The following ABCC4 variants were observed in gnomAD, a reference collection of about 807,000 sequenced individuals.
ABCC4 encodes ATP-binding cassette sub-family C member 4.
Under a neutral mutation model 168.5 loss-of-function variants are expected in ABCC4, and 102 were observed. That is an observed-to-expected ratio of 0.61 (90% CI 0.52 to 0.71). ABCC4 has a LOEUF of 0.71. Ranked by LOEUF, ABCC4 falls within the 30% of genes least tolerant of loss-of-function variation. ABCC4 has a pLI of 0.00. For missense variants in ABCC4, 1,402 were observed against 1,605.8 expected, an observed-to-expected ratio of 0.87 and a Z score of 2.17; for synonymous variants, 617 against 590.7, an observed-to-expected ratio of 1.04 and a Z score of -0.65.
chr13:95,195,719 C>T (rs72643643), intron 8 of ABCC4, among the ~76,000 whole-genome samples: 19 of 151,788 alleles, frequency 1.3e-4, no homozygotes, highest in Non-Finnish European at 1.6e-4. Context: ...CTGCAGCCTC[C>T]GCCTCTCCGG....
intron 5 of ABCC4, 74 bp downstream of exon 5, chr13:95,210,618 T>G: frequency 7.8e-7 from 1 of 1,284,544 alleles, no homozygotes; most frequent in Non-Finnish European, 1.1e-6. Flanking sequence ...AGTGAGCCCC[T>G]GCCTCCAGAA....
At chr13:95,124,645 G>A (rs2035689747) in intron 19 of ABCC4, among the ~76,000 whole-genome samples, 1 of 139,560 alleles carries the variant, frequency 7.2e-6, no homozygotes, top group Non-Finnish European at 1.5e-5. Context: ...GAGGTGGGGG[G>A]ATCACCTGAG....
At chr13:95,120,992 T>C (rs1263353488) in intron 19 of ABCC4, among the ~76,000 whole-genome samples, 1 of 152,158 alleles carries the variant, frequency 6.6e-6, no homozygotes, top group Non-Finnish European at 1.5e-5. Context: ...TCACTCAGCT[T>C]AGACCAAAAT....
intron 4 of ABCC4, among the ~76,000 whole-genome samples, chr13:95,230,475 A>G (rs1353247275): frequency 2.6e-5 from 4 of 152,356 alleles, no homozygotes; most frequent in African/African-American, 9.6e-5. Context: ...TATACTCAAA[A>G]GTATTAAAAG....
chr13:95,177,790 T>C lies in ABCC4; in HGVS notation c.1644A>G (p.Ala548=), dbSNP rs757663181. The change falls in exon 13 of 31, where the codon GCA becomes GCG. Residue 548 remains alanine, a synonymous_variant. Transcript: ENST00000645237. ...GQKARVNLAR[A]VYQDADIYLL... is the part of the protein sequence containing the mutation. ...GATAGATGTCAGCATCTTGATACAC[T>C]GCTCTAGAAAATACAAAGAGGTATC... 7 of 1,608,090 alleles carry C rather than the reference T, an allele frequency of 4.4e-6. No individual in the cohort carries two copies. The African/African-American group carries it at 9.4e-5, about 21-fold the overall frequency.
intron 4 of ABCC4, 106 bp downstream of exon 4, chr13:95,234,504 C>T: frequency 1.1e-6 from 1 of 888,042 alleles, no homozygotes; most frequent in Non-Finnish European, 1.8e-6. Context: ...GTCACCCAGG[C>T]TGGAGTGCAG....
Position 95,115,948 on chromosome 13 carries a change from GCAGCA to G in ABCC4, c.2504_2508del (p.Leu835SerfsTer92). 6.2e-7 allele frequency: 1 copy of G among 1,613,060 alleles called. No individual in the cohort carries two copies. The highest frequency in any genetic ancestry group is 8.5e-7 in the Non-Finnish European group (1 of 1,179,674). On this transcript the variant is annotated frameshift_variant, in exon 20 of 31. Coordinates refer to ENST00000645237, the MANE Select transcript of ABCC4 (RefSeq NM_005845.5). LOFTEE classifies it high-confidence loss of function. The stretch of plus-strand genomic sequence containing the variant: ...TGGATGAAATCTAAAAACGTCAGCG[GCAGCA>G]AATCATCCAAGTGTCCAATGTCTTT...
chr13:95,200,608 C>T (rs1406225326), intron 8 of ABCC4, among the ~76,000 whole-genome samples: 5 of 152,150 alleles, frequency 3.3e-5, no homozygotes, highest in African/African-American at 1.2e-4. Flanking sequence ...GTAGTCCCAG[C>T]TACTCCAAAG....
intron 20 of ABCC4, among the ~76,000 whole-genome samples, chr13:95,102,547 G>A (rs1253830716): frequency 6.6e-6 from 1 of 151,858 alleles, no homozygotes; most frequent in African/African-American, 2.4e-5. Flanking sequence ...GCCTCCCAAA[G>A]TTCTGGGATT....
chr13:95,028,491 A>C (rs2031655543), intron 30 of ABCC4, among the ~76,000 whole-genome samples: 1 of 152,204 alleles, frequency 6.6e-6, no homozygotes, highest in South Asian at 2.1e-4. Context: ...AAAGTTTTAA[A>C]AACTTCCCTC....
chr13:95,068,320 G>A (rs1353116333), intron 25 of ABCC4, among the ~76,000 whole-genome samples: 1 of 152,166 alleles, frequency 6.6e-6, no homozygotes, highest in Non-Finnish European at 1.5e-5. Flanking sequence ...GAGTGAACCA[G>A]GACACAAATC....
rs1435499242 is a variant in ABCC4, at chr13:95,029,223, G to T, written c.3870+5382C>A. Reference sequence around the variant, plus strand: ...ATATATATATATATATAGAGAGAGAGAGAGAGAGAGAGAGAGAGAGAGAGA... The same window carrying T: ...ATATATATATATATATAGAGAGAGATAGAGAGAGAGAGAGAGAGAGAGAGA... On this transcript the variant is annotated intron_variant, in intron 30 of 30. Coordinates refer to ENST00000645237, the MANE Select transcript of ABCC4 (RefSeq NM_005845.5). Among the ~76,000 whole-genome samples, 156 of 22,934 alleles carry T rather than the reference G, an allele frequency of 6.8e-3. 2 individuals carry two copies. The highest frequency in any genetic ancestry group is 0.021 in the African/African-American group (137 of 6,640). 15.0% of individuals were successfully genotyped at this position (22,934 alleles called of 152,430 possible). A position where few individuals can be genotyped will look rare whatever the true frequency, so the allele number is the denominator to read the frequency against.
At chr13:95,295,940 C>G (rs1376911892) in intron 1 of ABCC4, among the ~76,000 whole-genome samples, 2 of 147,184 alleles carry the variant, frequency 1.4e-5, no homozygotes, top group East Asian at 4.0e-4. Context: ...GCACTCCAGC[C>G]TGGGTGACAG....
intron 3 of ABCC4, among the ~76,000 whole-genome samples, chr13:95,240,300 G>A (rs1180814971): frequency 2.6e-5 from 4 of 152,260 alleles, no homozygotes; most frequent in African/African-American, 9.6e-5. Context: ...GAGAGGCTGA[G>A]GCAGGTGGAC....
intron 6 of ABCC4, among the ~76,000 whole-genome samples, chr13:95,208,388 A>G (rs1161915526): frequency 1.3e-5 from 2 of 151,896 alleles, no homozygotes; most frequent in Non-Finnish European, 2.9e-5. Context: ...CGGGGCCTCA[A>G]AGGACAAGGA....
At chr13:95,225,498 C>T (rs1252789385) in intron 4 of ABCC4, among the ~76,000 whole-genome samples, 1 of 151,918 alleles carries the variant, frequency 6.6e-6, no homozygotes, top group East Asian at 1.9e-4. Flanking sequence ...GGTAAAATCC[C>T]GTCTCTACTA....
At chr13:95,275,912 T>A (rs1010714487) in intron 1 of ABCC4, among the ~76,000 whole-genome samples, 4 of 152,204 alleles carry the variant, frequency 2.6e-5, no homozygotes, top group African/African-American at 9.6e-5. Context: ...ATGGGATAGA[T>A]TTTAGGAAAA....
chr13:95,218,927 G>GAGAGAGAGAGAA (rs1566539452), intron 4 of ABCC4, among the ~76,000 whole-genome samples: 1 of 42,448 alleles, frequency 2.4e-5, no homozygotes. Flanking sequence ...GAGAAAGAAA[G>GAGAGAGAGAGAA]AGAAAGAAAG....
chr13:95,166,289 T>C lies in ABCC4; in HGVS notation c.1903A>G (p.Asn635Asp). 6.2e-7 allele frequency: 1 copy of C among 1,614,078 alleles called. No homozygotes were observed. Among genetic ancestry groups the C allele is most frequent in the East Asian group, 2.2e-5 (1 of 44,870 alleles). The change falls in exon 15 of 31, where the codon AAT becomes GAT. Residue 635 changes from asparagine to aspartate, a missense_variant. This residue lies in a region of ABCC4 where 1,007 missense variants were observed against 1,127.3 expected (regional missense o/e 0.89). Coordinates refer to ENST00000645237, the MANE Select transcript of ABCC4 (RefSeq NM_005845.5). ...ACTGGAGGTTGTTCACTTTCCTCAT[T>C]ATCCTTCTTTAAAAGGGAGCCAAAA... ...IDFGSLLKKD[N>D]EESEQPPVPG...
Sources: allele counts gnomAD v4.1 joint callset (sites outside exome capture counted in the v4.1 genomes callset), GRCh38; gene constraint gnomAD v4.1.1; regional missense constraint gnomAD v4.1.1; transcripts MANE v1.5; gene names NCBI Gene and HGNC (gene_info 2026-07-23, HGNC 2026-07-21).